HACL2: variants seen among roughly 807,000 people sequenced by gnomAD.
The protein encoded by HACL2 is 2-hydroxyacyl-CoA lyase 1 like.
the HACL2 span, among the ~76,000 whole-genome samples, chr19:15,122,059 G>A: frequency 5.3e-3 from 607 of 115,290 alleles, 1 homozygote; most frequent in Non-Finnish European, 7.0e-3. The surrounding 1 kb of genome is among the most constrained non-coding windows in gnomAD (Gnocchi z 4.0). Flanking sequence ...CACCACGCCC[G>A]GCTAATTTTT....
At chr19:15,121,370 CCCGTG>C in the HACL2 span, among the ~76,000 whole-genome samples, 18 of 152,124 alleles carry the variant, frequency 1.2e-4, no homozygotes, top group Non-Finnish European at 2.1e-4. Flanking sequence ...CTGATGATGC[CCCGTG>C]CCTGTCCTGG....
chr19:15,125,413 CTCTT>C, the HACL2 span: 2 of 254,114 alleles, frequency 7.9e-6, no homozygotes, highest in Non-Finnish European at 1.5e-5. Context: ...AGCCCCGCCT[CTCTT>C]TCCACAACCG....
chr19:15,123,405 A>G, the HACL2 span: 1 of 1,614,088 alleles, frequency 6.2e-7, no homozygotes, highest in Non-Finnish European at 8.5e-7. The surrounding 1 kb of genome is among the most constrained non-coding windows in gnomAD (Gnocchi z 5.1). Flanking sequence ...TCAGCAGCAA[A>G]GACGGCCGTG....
the HACL2 span, chr19:15,120,114 C>A: frequency 7.5e-7 from 1 of 1,335,620 alleles, no homozygotes; most frequent in South Asian, 1.3e-5. Context: ...ACCAAGTTGC[C>A]AGAATTAACT....
the HACL2 span, chr19:15,115,789 A>T: frequency 6.4e-7 from 1 of 1,573,286 alleles, no homozygotes; most frequent in African/African-American, 1.4e-5. Context: ...ACCTCAGCCC[A>T]CCCCTGGTGA....
chr19:15,119,944 A>G, the HACL2 span: 1 of 1,389,544 alleles, frequency 7.2e-7, no homozygotes. Context: ...CCTCAGGGAG[A>G]GGGTAGGGTC....
the HACL2 span, chr19:15,123,775 AT>A: frequency 1.7e-6 from 1 of 594,700 alleles, no homozygotes; most frequent in East Asian, 2.8e-5. The surrounding 1 kb of genome is among the most constrained non-coding windows in gnomAD (Gnocchi z 5.1). Flanking sequence ...TCCTCTTGTC[AT>A]TACATCCCTC....
At chr19:15,122,665 A>T in the HACL2 span, 2 of 1,573,398 alleles carry the variant, frequency 1.3e-6, no homozygotes, top group Non-Finnish European at 1.7e-6. The surrounding 1 kb of genome is among the most constrained non-coding windows in gnomAD (Gnocchi z 4.0). Flanking sequence ...GGGATAAAGG[A>T]GGGAATGGCA....
At chr19:15,115,380 G>T in the HACL2 span, 4 of 1,613,998 alleles carry the variant, frequency 2.5e-6, no homozygotes, top group Admixed American at 1.7e-5. Flanking sequence ...TCGTTCTCCC[G>T]TGAGAGCAGC....
chr19:15,119,337 CG>C, the HACL2 span: 1 of 1,603,828 alleles, frequency 6.2e-7, no homozygotes, highest in Non-Finnish European at 8.5e-7. Flanking sequence ...TCAGTGTGGC[CG>C]GGGCCTCCCG....
chr19:15,120,003 G>A, the HACL2 span: 4 of 1,550,104 alleles, frequency 2.6e-6, no homozygotes, highest in Admixed American at 7.9e-5. Flanking sequence ...AAGCCTGGGG[G>A]ATGTCCAGGG....
the HACL2 span, chr19:15,124,657 GAA>G: frequency 6.2e-5 from 32 of 517,886 alleles, 1 homozygote; most frequent in South Asian, 7.1e-4. Flanking sequence ...TCTGTTCTGT[GAA>G]AAGAGTCACT....
chr19:15,116,004 A>G, the HACL2 span: 3 of 1,614,118 alleles, frequency 1.9e-6, no homozygotes, highest in African/African-American at 1.3e-5. Context: ...GCCTCACCTC[A>G]GCATCTGGCC....
At chr19:15,117,907 A>G in the HACL2 span, 3 of 1,614,044 alleles carry the variant, frequency 1.9e-6, no homozygotes, top group Non-Finnish European at 2.5e-6. Context: ...GGGCTTCCAG[A>G]AGATGTCTGA....
At chr19:15,122,271 C>G in the HACL2 span, among the ~76,000 whole-genome samples, 215 of 152,078 alleles carry the variant, frequency 1.4e-3, 1 homozygote, top group Admixed American at 3.3e-3. This position sits in a 1 kb window ranked among gnomAD's most constrained non-coding sequence, Gnocchi z 4.0. Flanking sequence ...GCTTCCTCCT[C>G]TGTAAATGTA....
chr19:15,122,546 C>T, the HACL2 span: 4 of 707,754 alleles, frequency 5.7e-6, no homozygotes, highest in Non-Finnish European at 9.6e-6. The surrounding 1 kb of genome is among the most constrained non-coding windows in gnomAD (Gnocchi z 4.0). Flanking sequence ...AGGACCTTTG[C>T]ACATGCTGTT....
chr19:15,118,165 C>T, the HACL2 span: 5 of 951,036 alleles, frequency 5.3e-6, no homozygotes, highest in Non-Finnish European at 6.3e-6. Context: ...CAGCTCCCCA[C>T]ACCCCCTGAA....
chr19:15,121,095 C>T, the HACL2 span, among the ~76,000 whole-genome samples: 1 of 152,072 alleles, frequency 6.6e-6, no homozygotes, highest in East Asian at 1.9e-4. Flanking sequence ...CTCATCTCTA[C>T]TAAAAATACA....
At chr19:15,125,088 T>G in the HACL2 span, 2 of 1,500,468 alleles carry the variant, frequency 1.3e-6, no homozygotes, top group Non-Finnish European at 1.8e-6. Flanking sequence ...GAAAGGGCAC[T>G]TCCCAGACTT....
Sources: allele counts gnomAD v4.1 joint callset (sites outside exome capture counted in the v4.1 genomes callset), GRCh38; gene constraint gnomAD v4.1.1; non-coding constraint Gnocchi (gnomAD v3.1); transcripts MANE v1.5; gene names NCBI Gene and HGNC (gene_info 2026-07-23, HGNC 2026-07-21).